Variants in CNOT2 observed in about 807,000 individuals in gnomAD.
CNOT2 encodes the protein CC chemokine receptor 4-negative regulator of transcription 2.
CNOT2 carries 7 observed loss-of-function variants against 72.1 expected under a neutral mutation model. That is an observed-to-expected ratio of 0.10 (90% CI 0.06 to 0.18). The LOEUF is 0.18. Among genes scored for constraint, CNOT2 ranks in the 10% least tolerant of loss-of-function variants. The pLI is 1.00. For synonymous variants in CNOT2, 196 were observed against 225.6 expected, an observed-to-expected ratio of 0.87 and a Z score of 1.17; for missense variants, 345 against 660.3, an observed-to-expected ratio of 0.52 and a Z score of 5.23.
intron 2 of CNOT2, among the ~76,000 whole-genome samples, chr12:70,296,080 C>G (rs1201799088): frequency 6.6e-6 from 1 of 152,110 alleles, no homozygotes; most frequent in Non-Finnish European, 1.5e-5. Flanking sequence ...CAGCTTCAGA[C>G]ACCAGATTTT....
intron 1 of CNOT2, among the ~76,000 whole-genome samples, chr12:70,273,297 A>G (rs1414699250): frequency 6.6e-6 from 1 of 151,672 alleles, no homozygotes; most frequent in Admixed American, 6.6e-5. Context: ...GCTGCAATCC[A>G]AAGATTAATT....
intron 15 of CNOT2, among the ~76,000 whole-genome samples, chr12:70,351,989 A>G (rs941497983): frequency 6.6e-6 from 1 of 152,060 alleles, no homozygotes; most frequent in Non-Finnish European, 1.5e-5. Flanking sequence ...TTTTCAGGCT[A>G]AAGTCACCAT....
chr12:70,339,589 A>G (rs12315646), intron 11 of CNOT2, among the ~76,000 whole-genome samples: 2,050 of 152,256 alleles, frequency 0.013, 44 homozygotes, highest in African/African-American at 0.046. Flanking sequence ...AGAAAAACAC[A>G]TGATATCACT....
intron 2 of CNOT2, among the ~76,000 whole-genome samples, chr12:70,304,725 G>A (rs1434327610): frequency 1.3e-5 from 2 of 152,236 alleles, no homozygotes; most frequent in Non-Finnish European, 2.9e-5. Context: ...ATTTAAGTCT[G>A]CAGAGGTTAC....
At chr12:70,252,148 C>G (rs1958169789) in intron 1 of CNOT2, among the ~76,000 whole-genome samples, 1 of 152,144 alleles carries the variant, frequency 6.6e-6, no homozygotes, top group Admixed American at 6.5e-5. Context: ...AGAATTGCTT[C>G]TCTGAGAATG....
chr12:70,313,037 A>C (rs750848851), intron 3 of CNOT2, among the ~76,000 whole-genome samples: 3 of 152,000 alleles, frequency 2.0e-5, no homozygotes, highest in Non-Finnish European at 2.9e-5. Context: ...TTTTACTGTA[A>C]TCACCACTCT....
chr12:70,257,354 C>CTTTTTTTTTT (rs34175539), intron 1 of CNOT2, among the ~76,000 whole-genome samples: 22 of 128,576 alleles, frequency 1.7e-4, no homozygotes, highest in African/African-American at 4.8e-4. Context: ...CAACTACCCC[C>CTTTTTTTTTT]TTTTTTTTTT....
intron 2 of CNOT2, among the ~76,000 whole-genome samples, chr12:70,308,191 C>T (rs1173342371): frequency 3.3e-5 from 5 of 152,024 alleles, no homozygotes; most frequent in African/African-American, 1.2e-4. Context: ...TTTTATGTTC[C>T]CTGATTATTT....
intron 11 of CNOT2, among the ~76,000 whole-genome samples, chr12:70,341,670 A>G (rs1376284321): frequency 1.3e-5 from 2 of 152,266 alleles, no homozygotes; most frequent in Non-Finnish European, 2.9e-5. Context: ...ATAGGCACTC[A>G]GTAAATATTT....
chr12:70,293,297 G>C (rs1872253346), intron 2 of CNOT2, among the ~76,000 whole-genome samples: 1 of 151,666 alleles, frequency 6.6e-6, no homozygotes, highest in Non-Finnish European at 1.5e-5. Context: ...AGTAGCTGGG[G>C]TTACAGGCAT....
At chr12:70,330,504 T>C (rs1306884554) in intron 6 of CNOT2, 35 bp downstream of exon 6, 3 of 1,491,948 alleles carry the variant, frequency 2.0e-6, no homozygotes, top group African/African-American at 2.8e-5. Context: ...ATAATTGTCT[T>C]TCTGGGTATA....
chr12:70,334,777 C>T (rs1880439775), intron 7 of CNOT2: 1 of 151,958 alleles, frequency 6.6e-6, no homozygotes, highest in African/African-American at 2.4e-5. Context: ...TTATTGAGCG[C>T]CTACTGTGTA....
chr12:70,346,084 A>AT (rs991575313), intron 14 of CNOT2, 96 bp from the exon 15 acceptor site: 16,068 of 607,228 alleles, frequency 0.026, no homozygotes, highest in South Asian at 0.036. Context: ...TTTATGTGTA[A>AT]TTTTTTTTTT....
intron 13 of CNOT2, among the ~76,000 whole-genome samples, chr12:70,343,570 A>G (rs746990313): frequency 6.6e-6 from 1 of 152,190 alleles, no homozygotes; most frequent in Non-Finnish European, 1.5e-5. Context: ...TGAATCATTC[A>G]CTGTCAGATA....
intron 2 of CNOT2, among the ~76,000 whole-genome samples, chr12:70,305,894 T>C (rs1189803160): frequency 7.0e-6 from 1 of 143,562 alleles, no homozygotes; most frequent in Admixed American, 7.2e-5. Context: ...TTTTTTTTTT[T>C]GGTAAATTTC....
intron 15 of CNOT2, among the ~76,000 whole-genome samples, chr12:70,350,153 A>G (rs544257782): frequency 6.6e-6 from 1 of 152,300 alleles, no homozygotes. Context: ...GATAGTATAT[A>G]TAATCTTCAT....
At chr12:70,328,045 C>G (rs1243993600) in intron 4 of CNOT2, among the ~76,000 whole-genome samples, 6 of 151,800 alleles carry the variant, frequency 4.0e-5, no homozygotes, top group Non-Finnish European at 7.4e-5. Flanking sequence ...TAAAAGTGTA[C>G]ATGTAATCTA....
Position 70,335,501 on chromosome 12 carries a change from G to C in CNOT2, c.713G>C (p.Arg238Thr). 1.2e-6 allele frequency: 2 copies of C among 1,606,504 alleles called. No homozygotes were observed. The highest frequency in any genetic ancestry group is 1.7e-6 in the Non-Finnish European group (2 of 1,173,368). The change falls in exon 8 of 16, where the codon AGG becomes ACG. Residue 238 changes from arginine (R) to threonine (T), a missense_variant. By Grantham distance (71) the Arg-to-Thr change is moderately conservative (BLOSUM62 -1). Transcript: ENST00000229195. ...TTCCCAGCATTAGCAGACCGAAACA[G>C]GAGGGAAGGAAGTGGTAACCCAACT... is the stretch of plus-strand genomic sequence containing the variant. ...SDFPALADRN[R>T]REGSGNPTPL...
chr12:70,313,734 T>C lies in CNOT2; in HGVS notation c.171+2717T>C, dbSNP rs375388689. ...TATAATAGGCCTTTATATAACCATC[T>C]GTAATGTAAAAACTTTCTTAGTTCA... On this transcript the variant is annotated intron_variant, in intron 3 of 15. Transcript: ENST00000229195. 2.0e-5 allele frequency among the ~76,000 whole-genome samples: 3 copies of C among 152,160 alleles called. No homozygotes were observed. In the South Asian group the frequency reaches 6.2e-4, roughly 31 times the overall value.
Sources: gnomAD v4.1 joint callset for allele counts (sites outside exome capture counted in the v4.1 genomes callset) on GRCh38, gnomAD v4.1.1 for gene constraint, MANE v1.5 for transcripts, NCBI Gene and HGNC (gene_info 2026-07-23, HGNC 2026-07-21) for gene names.